The following CNTLN variants were observed in gnomAD, a reference collection of about 807,000 sequenced individuals.
CNTLN encodes the protein centlein, also known as centlein, centrosomal protein.
In CNTLN, 212 loss-of-function variants were observed where a neutral mutation model predicts 180.0. That is an observed-to-expected ratio of 1.18 (90% confidence interval 1.05 to 1.32). The LOEUF (loss-of-function observed/expected upper bound fraction) is 1.32. Ranked by LOEUF, CNTLN falls within the 40% of genes most tolerant of loss-of-function variation. The pLI is 0.00. For synonymous variants in CNTLN, 722 were observed against 563.1 expected, an observed-to-expected ratio of 1.28 and a Z score of -3.99; for missense variants, 2,095 against 1,610.9, an observed-to-expected ratio of 1.30 and a Z score of -5.14.
chr9:17,169,067 A>T (rs1404262281), intron 2 of CNTLN, among the ~76,000 whole-genome samples: 3 of 152,156 alleles, frequency 2.0e-5, no homozygotes, highest in Admixed American at 6.6e-5. Context: ...GTGTGATCAT[A>T]GCTCACTGCA....
intron 8 of CNTLN, among the ~76,000 whole-genome samples, chr9:17,313,110 C>T (rs1218611543): frequency 6.6e-6 from 1 of 152,034 alleles, no homozygotes; most frequent in Non-Finnish European, 1.5e-5. Flanking sequence ...TTGAAATGTA[C>T]CTTTATGATG....
At chr9:17,259,640 C>T (rs1287891146) in intron 5 of CNTLN, among the ~76,000 whole-genome samples, 5 of 151,058 alleles carry the variant, frequency 3.3e-5, no homozygotes, top group Admixed American at 6.6e-5. Context: ...TTGATTATTG[C>T]CACAATTTCA....
At chr9:17,266,001 A>AT (rs1827406127) in intron 5 of CNTLN, among the ~76,000 whole-genome samples, 1 of 152,042 alleles carries the variant, frequency 6.6e-6, no homozygotes, top group African/African-American at 2.4e-5. Context: ...TCCTGGATTC[A>AT]TTAATTTTTT....
At chr9:17,382,582 C>G (rs1461643438) in intron 13 of CNTLN, among the ~76,000 whole-genome samples, 2 of 152,132 alleles carry the variant, frequency 1.3e-5, no homozygotes, top group African/African-American at 4.8e-5. Flanking sequence ...AATGCACAGT[C>G]ATTAATCTGT....
intron 2 of CNTLN, among the ~76,000 whole-genome samples, chr9:17,177,796 G>C (rs768121169): frequency 1.8e-4 from 28 of 152,172 alleles, no homozygotes; most frequent in Non-Finnish European, 3.8e-4. Flanking sequence ...GTGAGCAGCA[G>C]CGAGATTTAT....
At chr9:17,164,335 A>G (rs922260441) in intron 2 of CNTLN, among the ~76,000 whole-genome samples, 7 of 138,838 alleles carry the variant, frequency 5.0e-5, no homozygotes, top group African/African-American at 1.9e-4. Context: ...AAAAAAGTTG[A>G]TCTATTGAAA....
chr9:17,208,874 A>T lies in CNTLN; in HGVS notation c.450-17329A>T, dbSNP rs537869142. ...TTCTTATTAATTAGTCTGGCTAAGG[A>T]TTTGTCAATGTTATGTATCTTTTCA... On this transcript the variant is annotated intron_variant, in intron 2 of 25. Coordinates refer to ENST00000380647, the MANE Select transcript of CNTLN (RefSeq NM_017738.4). Among the ~76,000 whole-genome samples the T allele has an allele frequency of 7.9e-5, 12 of 151,994 alleles. 1 individual carries two copies. The highest frequency in any genetic ancestry group is 7.9e-4 in the Admixed American group (12 of 15,266).
intron 23 of CNTLN, among the ~76,000 whole-genome samples, chr9:17,478,327 T>C (rs1159422653): frequency 2.0e-5 from 3 of 152,260 alleles, no homozygotes; most frequent in East Asian, 1.9e-4. Flanking sequence ...CTATCAGATA[T>C]GTGATTTGAA....
chr9:17,273,977 G>T, intron 6 of CNTLN, 111 bp downstream of exon 6: 2 of 864,444 alleles, frequency 2.3e-6, no homozygotes, highest in African/African-American at 1.8e-5. Flanking sequence ...TGTTTTCTGT[G>T]GTTATATATG....
chr9:17,393,963 G>C lies in CNTLN; in HGVS notation c.2080-571G>C, dbSNP rs541221942. ...AATAAATGGGAAAATTTTAATTTAT[G>C]TGCAACCTTGAAATCATTATAATTT... On this transcript the variant is annotated intron_variant, in intron 14 of 25. Transcript: ENST00000380647. Among the ~76,000 whole-genome samples the C allele has an allele frequency of 4.3e-4, 66 of 152,098 alleles. 1 individual carries two copies. The South Asian group carries it at 0.012, about 29-fold the overall frequency.
intron 5 of CNTLN, among the ~76,000 whole-genome samples, chr9:17,260,761 G>C (rs776211552): frequency 2.0e-5 from 3 of 151,292 alleles, no homozygotes; most frequent in Non-Finnish European, 4.4e-5. Flanking sequence ...ATCTTTGCCA[G>C]TTCCTGTGTC....
intron 2 of CNTLN, among the ~76,000 whole-genome samples, chr9:17,214,039 A>C (rs1823539582): frequency 6.6e-6 from 1 of 152,168 alleles, no homozygotes; most frequent in African/African-American, 2.4e-5. Context: ...TAATTGGAGC[A>C]TTTAGCCCAT....
chr9:17,263,996 C>CT (rs1459430028), intron 5 of CNTLN, among the ~76,000 whole-genome samples: 3 of 145,486 alleles, frequency 2.1e-5, no homozygotes, highest in Non-Finnish European at 4.5e-5. Flanking sequence ...TGTAGGTTGC[C>CT]TGTTCACTCT....
intron 14 of CNTLN, among the ~76,000 whole-genome samples, chr9:17,388,704 C>T (rs531581908): frequency 5.9e-5 from 9 of 151,644 alleles, no homozygotes; most frequent in African/African-American, 9.7e-5. Flanking sequence ...TGAAAATATA[C>T]GTGACTCTTC....
intron 18 of CNTLN, chr9:17,447,345 C>A: frequency 5.0e-6 from 1 of 199,680 alleles, no homozygotes. Flanking sequence ...GTTGAGGTTG[C>A]AGAGGTTTCC....
chr9:17,326,743 C>G (rs1820319228), intron 8 of CNTLN, among the ~76,000 whole-genome samples: 1 of 152,072 alleles, frequency 6.6e-6, no homozygotes, highest in Admixed American at 6.5e-5. Context: ...CACTTTACCT[C>G]TATGATCTTC....
At chr9:17,343,369 G>A (rs1453334034) in intron 12 of CNTLN, among the ~76,000 whole-genome samples, 1 of 152,146 alleles carries the variant, frequency 6.6e-6, no homozygotes, top group East Asian at 1.9e-4. Context: ...TCATTATGGT[G>A]TAATGTAATT....
At chr9:17,338,134 T>C (rs1400578179) in intron 10 of CNTLN, among the ~76,000 whole-genome samples, 1 of 144,812 alleles carries the variant, frequency 6.9e-6, no homozygotes, top group Non-Finnish European at 1.5e-5. Flanking sequence ...CTTTCCTTCC[T>C]TCCTTCCTTC....
chr9:17,238,115 T>A (rs921999975), intron 5 of CNTLN, among the ~76,000 whole-genome samples: 24 of 152,158 alleles, frequency 1.6e-4, no homozygotes, highest in African/African-American at 5.8e-4. Context: ...CTCATGGGGT[T>A]ATTGTCTTTT....
Sources: gnomAD v4.1 joint callset for allele counts (sites outside exome capture counted in the v4.1 genomes callset) on GRCh38, gnomAD v4.1.1 for gene constraint, MANE v1.5 for transcripts, NCBI Gene and HGNC (gene_info 2026-07-23, HGNC 2026-07-21) for gene names.